Variants in TIGD5 observed in about 807,000 individuals in gnomAD.
TIGD5 encodes the protein tigger transposable element derived 5.
In TIGD5, 24 loss-of-function variants were observed where a neutral mutation model predicts 28.8. That is an observed-to-expected ratio of 0.83 (90% confidence interval 0.60 to 1.17). The LOEUF (loss-of-function observed/expected upper bound fraction) is 1.17. Ranked by LOEUF, TIGD5 falls within the 50% of genes most tolerant of loss-of-function variation. TIGD5 has a pLI of 0.00. For missense variants in TIGD5, 922 were observed against 911.4 expected (o/e 1.01, Z -0.15); for synonymous variants, 538 against 430.5 (o/e 1.25, Z -3.09).
Position 143,598,207 on chromosome 8 carries a change from C to G in TIGD5, c.304C>G (p.Leu102Val). 6.2e-7 allele frequency: 1 copy of G among 1,607,186 alleles called. No individual in the cohort carries two copies. Among genetic ancestry groups the G allele is most frequent in the Non-Finnish European group, 8.5e-7 (1 of 1,177,674 alleles). The change falls in exon 1 of 1, where the codon CTG (leucine) becomes GTG (valine). Residue 102 changes from leucine to valine, a missense_variant. By Grantham distance (32) the Leu-to-Val change is conservative. This residue lies in a region of TIGD5 where 821 missense variants were observed against 815.2 expected (regional missense o/e 1.01). Coordinates refer to ENST00000504548, the MANE Select transcript of TIGD5 (RefSeq NM_032862.5). The surrounding 1 kb of genome is among the most constrained non-coding windows in gnomAD (Gnocchi z 6.6). Reference protein sequence around the residue: ...LKDEPKLRWFLEQLGGEVGTQ... With the variant: ...LKDEPKLRWFVEQLGGEVGTQ... ...GGACGAGCCCAAGCTGCGCTGGTTC[C>G]TGGAGCAGCTGGGCGGTGAGGTGGG... is the stretch of plus-strand genomic sequence containing the variant.
In TIGD5 at chr8:143,600,604, C is replaced by G. The variant is rs1164658372; in HGVS notation, c.*772C>G. ...GGCAGGAGAGTTTCCCCTGCTTCCT[C>G]ATCAGCCACAGACCATTCTGTCCAG... is the stretch of plus-strand genomic sequence containing the variant. On this transcript the variant is annotated 3_prime_UTR_variant, in exon 1 of 1. Transcript: ENST00000504548. 6.6e-6 allele frequency: 1 copy of G among 152,240 alleles called. No homozygotes were observed. The highest frequency in any genetic ancestry group is 2.4e-5 in the African/African-American group (1 of 41,436). The allele number at this position is 152,240 out of a possible 1,614,324, so 9.4% of individuals were successfully genotyped here.
rs1464201412 is a variant in TIGD5 at position 143,602,324 on chromosome 8, G to A, written c.*2492G>A. 1 of 152,272 alleles carries A rather than the reference G, an allele frequency of 6.6e-6. No individual in the cohort carries two copies. Among genetic ancestry groups the A allele is most frequent in the African/African-American group, 2.4e-5 (1 of 41,474 alleles). The allele number at this position is 152,272 out of a possible 1,614,324, so 9.4% of individuals were successfully genotyped here. ...TGCTCTGCCCATGCCTGGCCCTGTG[G>A]GCAGTGCCAGCCATGGATCCCTGAG... On this transcript the variant is annotated 3_prime_UTR_variant, in exon 1 of 1. Transcript: ENST00000504548.
At position 143,598,584 on chromosome 8, in the gene TIGD5, C is replaced by A; in HGVS notation, c.681C>A (p.Ala227=). ...GCGCCCCGGCCCCGCCGCCCCCGGC[C>A]GAGGGCGGCTACGGGGACGAGCAGA... is the stretch of plus-strand genomic sequence containing the variant. ...PDRAPAPPPP[A]EGGYGDEQIY... Residue 227 remains alanine (A), a synonymous_variant, in exon 1 of 1, where the codon GCC becomes GCA. Coordinates refer to ENST00000504548, the MANE Select transcript of TIGD5 (RefSeq NM_032862.5). This position sits in a 1 kb window ranked among gnomAD's most constrained non-coding sequence, Gnocchi z 6.6. 2 of 1,359,012 alleles carry A rather than the reference C, an allele frequency of 1.5e-6. No homozygotes were observed. The highest frequency in any genetic ancestry group is 1.9e-6 in the Non-Finnish European group (2 of 1,063,548). 84.2% of individuals were successfully genotyped at this position (1,359,012 alleles called of 1,614,324 possible).
rs1310754452 is a variant in TIGD5 at position 143,603,146 on chromosome 8, G to A, written c.*3314G>A. ...GGCCCTTCCTCTAACTGGCGAGCTT[G>A]TTTACAGCTGAGCTCGCCTGGTCAG... On this transcript the variant is annotated 3_prime_UTR_variant, in exon 1 of 1. Transcript: ENST00000504548. 4 of 152,234 alleles carry A rather than the reference G, an allele frequency of 2.6e-5. No homozygotes were observed. The highest frequency in any genetic ancestry group is 1.9e-4 in the East Asian group (1 of 5,192). 9.4% of individuals were successfully genotyped at this position (152,234 alleles called of 1,614,324 possible).
Position 143,598,998 on chromosome 8 carries a change from A to G in TIGD5, c.1095A>G (p.Pro365=). The change falls in exon 1 of 1, where the codon CCA becomes CCG. Residue 365 remains proline, a synonymous_variant. Transcript: ENST00000504548. The surrounding 1 kb of genome is among the most constrained non-coding windows in gnomAD (Gnocchi z 6.6). ...LLVAHPPCPS[P]AASMPALDSE... ...TGGCCCACCCGCCCTGCCCAAGCCC[A>G]GCTGCCAGTATGCCCGCCCTGGACA... 2 of 1,461,380 alleles carry G rather than the reference A, an allele frequency of 1.4e-6. No individual in the cohort carries two copies. Among genetic ancestry groups the G allele is most frequent in the Non-Finnish European group, 1.9e-6 (2 of 1,070,954 alleles). 90.5% of individuals were successfully genotyped at this position (1,461,380 alleles called of 1,614,324 possible).
Position 143,599,649 on chromosome 8 carries a change from G to A in TIGD5, c.1746G>A (p.Gly582=). ...EDEEEATDYG[G]TSVPTAGEAV... ...AGGAGGAGGCCACCGACTATGGAGG[G>A]ACCTCAGTGCCGACTGCCGGGGAGG... The change falls in exon 1 of 1, where the codon GGG becomes GGA. Residue 582 remains glycine, a synonymous_variant. Coordinates refer to ENST00000504548, the MANE Select transcript of TIGD5 (RefSeq NM_032862.5). The A allele has an allele frequency of 6.6e-7, 1 of 1,521,790 alleles. No individual in the cohort carries two copies. Among genetic ancestry groups the A allele is most frequent in the Admixed American group, 2.2e-5 (1 of 45,156 alleles). The allele number at this position is 1,521,790 out of a possible 1,614,324, so 94.3% of individuals were successfully genotyped here.
rs747924860 is a variant in TIGD5, at chr8:143,599,507, T to A, written c.1604T>A (p.Leu535Gln). The A allele has an allele frequency of 1.1e-5, 18 of 1,590,342 alleles. No individual in the cohort carries two copies. Among genetic ancestry groups the A allele is most frequent in the Non-Finnish European group, 1.5e-5 (18 of 1,169,576 alleles). ...APEEVAEWLHLDDDGGPPEGC... is the reference protein window; with the variant it reads ...APEEVAEWLHQDDDGGPPEGC... Reference sequence around the variant, plus strand: ...GAGGAGGTTGCGGAGTGGCTGCACCTGGACGATGATGGGGGTCCGCCCGAG... The same window carrying A: ...GAGGAGGTTGCGGAGTGGCTGCACCAGGACGATGATGGGGGTCCGCCCGAG... The change falls in exon 1 of 1, where the codon CTG becomes CAG. Residue 535 changes from leucine to glutamine, a missense_variant. Around this residue, in one of 3 missense-constraint regions of TIGD5, gnomAD observed 821 missense variants for 815.2 expected, o/e 1.01. Coordinates refer to ENST00000504548, the MANE Select transcript of TIGD5 (RefSeq NM_032862.5).
chr8:143,599,511 C>T lies in TIGD5; in HGVS notation c.1608C>T (p.Asp536=), dbSNP rs1012164093. Residue 536 remains aspartate, a synonymous_variant, in exon 1 of 1, where the codon GAC becomes GAT. Transcript: ENST00000504548. The part of the protein sequence containing the change: ...PEEVAEWLHL[D]DDGGPPEGCR... ...AGGTTGCGGAGTGGCTGCACCTGGA[C>T]GATGATGGGGGTCCGCCCGAGGGCT... is the stretch of plus-strand genomic sequence containing the variant. 1.9e-6 allele frequency: 3 copies of T among 1,590,530 alleles called. No homozygotes were observed. The highest frequency in any genetic ancestry group is 1.8e-5 in the Admixed American group (1 of 56,930).
At position 143,599,274 on chromosome 8, in the gene TIGD5, G is replaced by A; in HGVS notation, c.1371G>A (p.Met457Ile). ...TGCGCAGCTTCATGCTCAAGGACATGCTCTACCTGGCTGGCCTCTCCTGGG... is the reference window on the plus strand; with the variant it reads ...TGCGCAGCTTCATGCTCAAGGACATACTCTACCTGGCTGGCCTCTCCTGGG... ...DFMRSFMLKD[M>I]LYLAGLSWDL... The change falls in exon 1 of 1, where the codon ATG (methionine) becomes ATA (isoleucine). Residue 457 changes from methionine (M) to isoleucine (I), a missense_variant. Met to Ile is a conservative substitution (Grantham distance 10, BLOSUM62 1). Transcript: ENST00000504548. The A allele has an allele frequency of 1.2e-6, 2 of 1,610,802 alleles. No homozygotes were observed. Among genetic ancestry groups the A allele is most frequent in the Non-Finnish European group, 1.7e-6 (2 of 1,179,224 alleles).
chr8:143,602,079 G>C lies in TIGD5; in HGVS notation c.*2247G>C, dbSNP rs1328331471. On this transcript the variant is annotated 3_prime_UTR_variant, in exon 1 of 1. Transcript: ENST00000504548. Reference sequence around the variant, plus strand: ...ACACCGCGCTCCAGTCTGCGCGACAGAGCGAGACTCTGTCTCAAAAAAAAA... The same window carrying C: ...ACACCGCGCTCCAGTCTGCGCGACACAGCGAGACTCTGTCTCAAAAAAAAA... 1 of 144,442 alleles carries C rather than the reference G, an allele frequency of 6.9e-6. No homozygotes were observed. The highest frequency in any genetic ancestry group is 2.2e-4 in the South Asian group (1 of 4,482). The allele number at this position is 144,442 out of a possible 1,614,324, so 8.9% of individuals were successfully genotyped here. A position where few individuals can be genotyped will look rare whatever the true frequency, so the allele number is the denominator to read the frequency against.
In TIGD5 at chr8:143,599,115, G is replaced by A; in HGVS notation, c.1212G>A (p.Leu404=). ...TPDGAVRVLF[L]SKGSSRAHIP... is the part of the protein sequence containing the mutation. ...ATGGCGCTGTGCGGGTGCTGTTCCT[G>A]TCCAAAGGCAGCAGCCGGGCACATA... Residue 404 remains leucine, a synonymous_variant, in exon 1 of 1, where the codon CTG becomes CTA. Coordinates refer to ENST00000504548, the MANE Select transcript of TIGD5 (RefSeq NM_032862.5). 1 of 1,586,582 alleles carries A rather than the reference G, an allele frequency of 6.3e-7. No homozygotes were observed. Among genetic ancestry groups the A allele is most frequent in the Non-Finnish European group, 8.6e-7 (1 of 1,167,792 alleles).
At position 143,598,373 on chromosome 8, in the gene TIGD5, A is replaced by G. The variant is rs1167998830; in HGVS notation, c.470A>G (p.Gln157Arg). 3 of 1,577,012 alleles carry G rather than the reference A, an allele frequency of 1.9e-6. No homozygotes were observed. Among genetic ancestry groups the G allele is most frequent in the Non-Finnish European group, 2.6e-6 (3 of 1,165,190 alleles). The change falls in exon 1 of 1, where the codon CAG becomes CGG. Residue 157 changes from glutamine (Q) to arginine (R), a missense_variant. Coordinates refer to ENST00000504548, the MANE Select transcript of TIGD5 (RefSeq NM_032862.5). This position sits in a 1 kb window ranked among gnomAD's most constrained non-coding sequence, Gnocchi z 6.6. ...IQAQAEAFAR[Q>R]IYGPECTFKA... ...GCGCAGGCCGAGGCCTTCGCGCGCC[A>G]GATCTACGGGCCCGAGTGCACCTTC...
chr8:143,598,284 C>G lies in TIGD5; in HGVS notation c.381C>G (p.Ala127=). The change falls in exon 1 of 1, where the codon GCC becomes GCG. Residue 127 remains alanine (A), a synonymous_variant. Coordinates refer to ENST00000504548, the MANE Select transcript of TIGD5 (RefSeq NM_032862.5). The surrounding 1 kb of genome is among the most constrained non-coding windows in gnomAD (Gnocchi z 6.6). ...RLANEEEIDR[A]VYAWFLALRQ... is the part of the protein sequence containing the mutation. ...CCAACGAGGAGGAGATCGACCGCGC[C>G]GTGTACGCCTGGTTCCTGGCGCTGC... 6.2e-7 allele frequency: 1 copy of G among 1,609,730 alleles called. No individual in the cohort carries two copies. Among genetic ancestry groups the G allele is most frequent in the Non-Finnish European group, 8.5e-7 (1 of 1,178,764 alleles).
Position 143,598,548 on chromosome 8 carries a change from C to A in TIGD5, c.645C>A (p.Pro215=), listed in dbSNP as rs963612353. 7.0e-5 allele frequency: 92 copies of A among 1,310,712 alleles called. No individual in the cohort carries two copies. The highest frequency in any genetic ancestry group is 8.6e-5 in the Non-Finnish European group (89 of 1,037,404). The allele number at this position is 1,310,712 out of a possible 1,614,324, so 81.2% of individuals were successfully genotyped here. A position where few individuals can be genotyped will look rare whatever the true frequency, so the allele number is the denominator to read the frequency against. The change falls in exon 1 of 1, where the codon CCC becomes CCA. Residue 215 remains proline, a synonymous_variant. Transcript: ENST00000504548. The surrounding 1 kb of genome is among the most constrained non-coding windows in gnomAD (Gnocchi z 6.6). ...EEPALPSGAG[P]LPDRAPAPPP... is the part of the protein sequence containing the mutation. ...CCGCGCTGCCCTCCGGCGCCGGCCCCCTGCCCGACCGCGCCCCGGCCCCGC... is the reference window on the plus strand; with the variant it reads ...CCGCGCTGCCCTCCGGCGCCGGCCCACTGCCCGACCGCGCCCCGGCCCCGC...
At position 143,597,972 on chromosome 8, in the gene TIGD5, C is replaced by G; in HGVS notation, c.69C>G (p.Pro23=). 1.1e-6 allele frequency: 1 copy of G among 921,008 alleles called. No individual in the cohort carries two copies. Among genetic ancestry groups the G allele is most frequent in the Non-Finnish European group, 1.3e-6 (1 of 768,376 alleles). The allele number at this position is 921,008 out of a possible 1,614,324, so 57.1% of individuals were successfully genotyped here. ...GCCGCCGTCCCCTGCCCGGGCCCCCCGCGCCCGCCCCAGCCCCCGTCCCCG... is the reference window on the plus strand; with the variant it reads ...GCCGCCGTCCCCTGCCCGGGCCCCCGGCGCCCGCCCCAGCCCCCGTCCCCG... The part of the protein sequence containing the change: ...RRGRRPLPGP[P]APAPAPVPAA... Residue 23 remains proline, a synonymous_variant, in exon 1 of 1, where the codon CCC becomes CCG. Coordinates refer to ENST00000504548, the MANE Select transcript of TIGD5 (RefSeq NM_032862.5).
Position 143,598,497 on chromosome 8 carries a change from G to A in TIGD5, c.594G>A (p.Ala198=). ...GEAGPPAPSP[A]PGPPVKEEPA... Reference sequence around the variant, plus strand: ...CCGGGCCCCCAGCCCCGAGCCCCGCGCCCGGCCCGCCCGTCAAGGAGGAGC... The same window carrying A: ...CCGGGCCCCCAGCCCCGAGCCCCGCACCCGGCCCGCCCGTCAAGGAGGAGC... Residue 198 remains alanine (A), a synonymous_variant, in exon 1 of 1, where the codon GCG becomes GCA. Coordinates refer to ENST00000504548, the MANE Select transcript of TIGD5 (RefSeq NM_032862.5). This position sits in a 1 kb window ranked among gnomAD's most constrained non-coding sequence, Gnocchi z 6.6. 1 of 1,369,706 alleles carries A rather than the reference G, an allele frequency of 7.3e-7. No homozygotes were observed. Among genetic ancestry groups the A allele is most frequent in the Non-Finnish European group, 9.4e-7 (1 of 1,067,478 alleles). 84.8% of individuals were successfully genotyped at this position (1,369,706 alleles called of 1,614,324 possible). A position where few individuals can be genotyped will look rare whatever the true frequency, so the allele number is the denominator to read the frequency against.
In TIGD5 at chr8:143,599,038, G is replaced by A; in HGVS notation, c.1135G>A (p.Val379Met). Residue 379 changes from valine to methionine, a missense_variant, in exon 1 of 1, where the codon GTG becomes ATG. Transcript: ENST00000504548. ...MPALDSEDAPVRCRPEPLGPP... is the reference protein window; with the variant it reads ...MPALDSEDAPMRCRPEPLGPP... ...CGCCCTGGACAGCGAGGATGCCCCCGTGCGGTGCAGGCCGGAGCCCCTCGG... is the reference window on the plus strand; with the variant it reads ...CGCCCTGGACAGCGAGGATGCCCCCATGCGGTGCAGGCCGGAGCCCCTCGG... 1 of 1,559,434 alleles carries A rather than the reference G, an allele frequency of 6.4e-7. No homozygotes were observed. The highest frequency in any genetic ancestry group is 8.6e-7 in the Non-Finnish European group (1 of 1,158,124).
Position 143,599,446 on chromosome 8 carries a change from C to T in TIGD5, c.1543C>T (p.His515Tyr). Residue 515 changes from histidine (H) to tyrosine (Y), a missense_variant, in exon 1 of 1, where the codon CAC becomes TAC. This residue lies in a region of TIGD5 where 821 missense variants were observed against 815.2 expected (regional missense o/e 1.01). Transcript: ENST00000504548. ...EHSRVLSDLT[H>Y]LAALAYKCLA... is the part of the protein sequence containing the mutation. ...CAGCAGGGTGCTCAGCGACCTCACCCACCTGGCGGCTCTGGCCTACAAGTG... is the reference window on the plus strand; with the variant it reads ...CAGCAGGGTGCTCAGCGACCTCACCTACCTGGCGGCTCTGGCCTACAAGTG... The T allele has an allele frequency of 6.3e-7, 1 of 1,579,734 alleles. No homozygotes were observed.
At position 143,598,286 on chromosome 8, in the gene TIGD5, T is replaced by G; in HGVS notation, c.383T>G (p.Val128Gly). ...LANEEEIDRA[V>G]YAWFLALRQH... ...AACGAGGAGGAGATCGACCGCGCCG[T>G]GTACGCCTGGTTCCTGGCGCTGCGC... The change falls in exon 1 of 1, where the codon GTG (valine) becomes GGG (glycine). Residue 128 changes from valine (V) to glycine (G), a missense_variant. Val to Gly is a moderately radical substitution (Grantham distance 109). Transcript: ENST00000504548. This position sits in a 1 kb window ranked among gnomAD's most constrained non-coding sequence, Gnocchi z 6.6. The G allele has an allele frequency of 6.2e-7, 1 of 1,609,588 alleles. No homozygotes were observed. The highest frequency in any genetic ancestry group is 8.5e-7 in the Non-Finnish European group (1 of 1,178,706).
Sources: allele counts gnomAD v4.1 joint callset, GRCh38; gene constraint gnomAD v4.1.1; regional missense constraint gnomAD v4.1.1; non-coding constraint Gnocchi (gnomAD v3.1); transcripts MANE v1.5; gene names NCBI Gene and HGNC (gene_info 2026-07-23, HGNC 2026-07-21).